INPP4A: variants seen among roughly 807,000 people sequenced by gnomAD.
INPP4A encodes inositol polyphosphate-4-phosphatase type I A, also known as inositol polyphosphate-4-phosphatase, type I, 107kD.
A neutral mutation model predicts 119.8 loss-of-function variants in INPP4A; 33 were observed. The ratio of observed to expected loss-of-function variants is 0.28; its 90% CI spans 0.21 to 0.37. INPP4A has a LOEUF of 0.37. INPP4A is among the 10% of genes least tolerant of loss of function. INPP4A has a pLI of 1.00. For synonymous variants in INPP4A, 496 were observed against 500.7 expected (o/e 0.99, Z 0.12); for missense variants, 956 against 1,289.9 (o/e 0.74, Z 3.97).
intron 1 of INPP4A, among the ~76,000 whole-genome samples, chr2:98,502,878 G>A (rs1221843794): frequency 6.6e-6 from 1 of 152,158 alleles, no homozygotes; most frequent in Non-Finnish European, 1.5e-5. Flanking sequence ...AATTACCCAA[G>A]TGGTTTTAGT....
intron 24 of INPP4A, among the ~76,000 whole-genome samples, chr2:98,585,649 A>T (rs1426802992): frequency 6.6e-6 from 1 of 152,186 alleles, no homozygotes; most frequent in Non-Finnish European, 1.5e-5. Flanking sequence ...TGGTGGGATA[A>T]CAGTGTCGGC....
At chr2:98,510,437 G>T (rs984784167) in intron 1 of INPP4A, among the ~76,000 whole-genome samples, 4 of 152,194 alleles carry the variant, frequency 2.6e-5, no homozygotes, top group Non-Finnish European at 5.9e-5. Context: ...ATCTCAGTCA[G>T]TTCAGGCTGC....
At chr2:98,543,535 G>A (rs555132159) in intron 10 of INPP4A, among the ~76,000 whole-genome samples, 2 of 152,304 alleles carry the variant, frequency 1.3e-5, no homozygotes, top group South Asian at 4.1e-4. Flanking sequence ...GTTTGAGCCT[G>A]TGCTTGAGGG....
At position 98,478,010 on chromosome 2, in the gene INPP4A, G is replaced by A. The variant is rs77148093; in HGVS notation, c.-166+32925G>A. ...ATTCAGTGCGAGTGCAGTCCCTGCGGCCTACAACCTACTGTTATTGTGCGG... is the reference window on the plus strand; with the variant it reads ...ATTCAGTGCGAGTGCAGTCCCTGCGACCTACAACCTACTGTTATTGTGCGG... On this transcript the variant is annotated intron_variant, in intron 1 of 24. Coordinates refer to ENST00000409851, the MANE Select transcript of INPP4A (RefSeq NM_001134225.2). Among the ~76,000 whole-genome samples, 495 of 152,316 alleles carry A rather than the reference G, an allele frequency of 3.2e-3. 1 individual carries two copies. Among genetic ancestry groups the A allele is most frequent in the African/African-American group, 0.011 (458 of 41,564 alleles).
chr2:98,590,362 G>A lies in INPP4A; in HGVS notation c.*2754G>A, dbSNP rs962675905. The A allele has an allele frequency of 1.0e-4, 19 of 187,130 alleles. No individual in the cohort carries two copies. Among genetic ancestry groups the A allele is most frequent in the Non-Finnish European group, 2.1e-4 (19 of 88,762 alleles). The allele number at this position is 187,130 out of a possible 1,614,324, so 11.6% of individuals were successfully genotyped here. On this transcript the variant is annotated 3_prime_UTR_variant, in exon 25 of 25. Transcript: ENST00000409851. ...CAACAGCGTTGAGGTTAAGAGCACG[G>A]ACTTTGGGAGCACACAGACCAGGTC... is the stretch of plus-strand genomic sequence containing the variant.
intron 4 of INPP4A, among the ~76,000 whole-genome samples, chr2:98,525,722 T>C (rs1277476461): frequency 3.9e-5 from 6 of 152,204 alleles, no homozygotes; most frequent in Admixed American, 6.5e-5. Flanking sequence ...AAATAAGTTA[T>C]ACAAATGAAC....
At chr2:98,515,213 G>T (rs190867627) in intron 1 of INPP4A, among the ~76,000 whole-genome samples, 3 of 152,192 alleles carry the variant, frequency 2.0e-5, no homozygotes, top group African/African-American at 7.2e-5. Context: ...ACTGATCTAT[G>T]ATTTTAGCTG....
At position 98,546,832 on chromosome 2, in the gene INPP4A, A is replaced by G; in HGVS notation, c.1163+138A>G. The G allele has an allele frequency of 3.1e-6, 2 of 648,212 alleles. No homozygotes were observed. The highest frequency in any genetic ancestry group is 3.6e-5 in the South Asian group (2 of 55,742). The allele number at this position is 648,212 out of a possible 1,614,324, so 40.2% of individuals were successfully genotyped here. ...TTTGCGTGGCAGGAGGATCTGCCTT[A>G]TGGAGCCTGTGCTGCTCTGTTTATG... On this transcript the variant is annotated intron_variant, in intron 13 of 24. Transcript: ENST00000409851. The surrounding 1 kb of genome is among the most constrained non-coding windows in gnomAD (Gnocchi z 4.2).
At chr2:98,529,879 TAAATG>T (rs890678771) in intron 4 of INPP4A, among the ~76,000 whole-genome samples, 30 of 152,282 alleles carry the variant, frequency 2.0e-4, no homozygotes, top group African/African-American at 7.0e-4. Flanking sequence ...TCTGTGAAGG[TAAATG>T]AAGGAACCAT....
intron 11 of INPP4A, 105 bp downstream of exon 11, chr2:98,544,112 G>C: frequency 4.7e-6 from 5 of 1,065,064 alleles, no homozygotes; most frequent in Non-Finnish European, 6.6e-6. Context: ...CCAGGGATCT[G>C]GAACACAGGG....
intron 24 of INPP4A, among the ~76,000 whole-genome samples, chr2:98,580,438 C>T (rs1274525400): frequency 1.3e-5 from 2 of 152,236 alleles, no homozygotes; most frequent in Non-Finnish European, 2.9e-5. Flanking sequence ...TCCCATGTGG[C>T]ACCATTGAAC....
intron 1 of INPP4A, among the ~76,000 whole-genome samples, chr2:98,501,631 A>G (rs1167719894): frequency 1.3e-5 from 2 of 152,208 alleles, no homozygotes; most frequent in South Asian, 4.1e-4. Context: ...GCAAATGACA[A>G]AACAGAATAA....
chr2:98,455,176 A>G (rs1695907202), intron 1 of INPP4A, among the ~76,000 whole-genome samples: 1 of 152,058 alleles, frequency 6.6e-6, no homozygotes, highest in Non-Finnish European at 1.5e-5. Flanking sequence ...TGTCTCTACT[A>G]AAAATTAAAA....
chr2:98,568,906 A>C (rs1268942971), intron 22 of INPP4A: 4 of 453,588 alleles, frequency 8.8e-6, no homozygotes, highest in Non-Finnish European at 1.2e-5. Context: ...GCTCCTTCCC[A>C]TGCTGTCGTA....
intron 13 of INPP4A, among the ~76,000 whole-genome samples, chr2:98,548,095 TA>T (rs1002992134): frequency 2.0e-5 from 3 of 151,676 alleles, no homozygotes; most frequent in African/African-American, 7.3e-5. Context: ...GGGAGGCAGC[TA>T]GGGGCGTCAC....
At chr2:98,551,324 T>A (rs1693476567) in intron 13 of INPP4A, among the ~76,000 whole-genome samples, 1 of 152,208 alleles carries the variant, frequency 6.6e-6, no homozygotes, top group Non-Finnish European at 1.5e-5. Context: ...GCTATTCATT[T>A]GGAAGAGTGA....
At chr2:98,447,524 T>C (rs575045334) in intron 1 of INPP4A, among the ~76,000 whole-genome samples, 3 of 152,310 alleles carry the variant, frequency 2.0e-5, no homozygotes, top group Non-Finnish European at 2.9e-5. Flanking sequence ...ATATTTCTAT[T>C]CATATGCACA....
chr2:98,557,413 C>T (rs1406380559), intron 16 of INPP4A, among the ~76,000 whole-genome samples: 2 of 152,188 alleles, frequency 1.3e-5, no homozygotes, highest in African/African-American at 4.8e-5. Flanking sequence ...GTTCAGTCCT[C>T]AGTGTAAGTA....
chr2:98,518,643 A>C (rs1329415469), intron 1 of INPP4A, among the ~76,000 whole-genome samples: 1 of 152,156 alleles, frequency 6.6e-6, no homozygotes, highest in Non-Finnish European at 1.5e-5. Context: ...AGCTTCTCCC[A>C]GGGCCTACAG....
Sources: allele counts gnomAD v4.1 joint callset (sites outside exome capture counted in the v4.1 genomes callset), GRCh38; gene constraint gnomAD v4.1.1; non-coding constraint Gnocchi (gnomAD v3.1); transcripts MANE v1.5; gene names NCBI Gene and HGNC (gene_info 2026-07-23, HGNC 2026-07-21).